The following ADAMTS17 variants were observed in gnomAD, a reference collection of about 807,000 sequenced individuals.
ADAMTS17 encodes the protein A disintegrin and metalloproteinase with thrombospondin motifs 17.
In ADAMTS17, 113 loss-of-function variants were observed where a neutral mutation model predicts 141.5. The ratio of observed to expected loss-of-function variants is 0.80; its 90% CI spans 0.69 to 0.93. The LOEUF (loss-of-function observed/expected upper bound fraction) is 0.93, where lower values mean the gene tolerates loss of function less well. ADAMTS17 is among the 40% of genes least tolerant of loss of function. The probability of loss-of-function intolerance (pLI) is 0.00; values close to 1 mark genes in which losing one functional copy is unlikely to be tolerated. For missense variants in ADAMTS17, 1,659 were observed against 1,517.9 expected (o/e 1.09, Z -1.54); for synonymous variants, 768 against 630.6 (o/e 1.22, Z -3.27).
intron 3 of ADAMTS17, 145 bp from the exon 4 acceptor site, chr15:100,281,546 G>A (rs946097610): frequency 1.5e-5 from 16 of 1,081,982 alleles, no homozygotes; most frequent in African/African-American, 7.9e-5. Context: ...AATCTCCACC[G>A]TCATGTGGGT....
intron 15 of ADAMTS17, among the ~76,000 whole-genome samples, chr15:100,089,816 A>C (rs1474904580): frequency 4.8e-5 from 6 of 125,154 alleles, no homozygotes; most frequent in African/African-American, 1.8e-4. Flanking sequence ...GGAACATCAC[A>C]CACTGGGGAC....
Position 100,296,595 on chromosome 15 carries a change from G to GTGTGTGTGTGTA in ADAMTS17, c.617-15195_617-15194insTACACACACACA, listed in dbSNP as rs1315811758. ...GGTGAGGGGGGGTGTGTGTGTGTGT[G>GTGTGTGTGTGTA]TGTGTGTGTATGTGTGTGTGTGCGC... On this transcript the variant is annotated intron_variant, in intron 3 of 21. Transcript: ENST00000268070. Among the ~76,000 whole-genome samples, 13 of 152,172 alleles carry GTGTGTGTGTGTA rather than the reference G, an allele frequency of 8.5e-5. No individual in the cohort carries two copies. In the East Asian group the frequency reaches 1.4e-3, roughly 16 times the overall value.
At chr15:100,015,390 T>G (rs370743159) in intron 18 of ADAMTS17, among the ~76,000 whole-genome samples, 3 of 152,092 alleles carry the variant, frequency 2.0e-5, no homozygotes, top group Admixed American at 2.0e-4. Flanking sequence ...TCATGCTATT[T>G]GTTGCCTGTG....
intron 4 of ADAMTS17, among the ~76,000 whole-genome samples, chr15:100,275,237 G>A (rs1174050339): frequency 6.6e-6 from 1 of 152,166 alleles, no homozygotes; most frequent in South Asian, 2.1e-4. Flanking sequence ...AGTCAGTGTT[G>A]ATGGCAAAAA....
chr15:100,049,074 G>A (rs937840254), intron 17 of ADAMTS17, 82 bp from the exon 18 acceptor site: 3 of 1,602,644 alleles, frequency 1.9e-6, no homozygotes, highest in South Asian at 1.1e-5. Context: ...ATGAAAGCAT[G>A]TTTGGGTGCT....
chr15:99,991,216 G>C (rs28654858), intron 20 of ADAMTS17, among the ~76,000 whole-genome samples: 6,592 of 152,116 alleles, frequency 0.043, 469 homozygotes, highest in African/African-American at 0.15. Context: ...AAAGAAACTA[G>C]CATCAGAGTG....
chr15:100,125,017 G>A (rs1003631737), intron 12 of ADAMTS17, among the ~76,000 whole-genome samples: 3 of 152,312 alleles, frequency 2.0e-5, no homozygotes, highest in African/African-American at 7.2e-5. Flanking sequence ...TTATTTTCAG[G>A]TTTGCTGTAT....
intron 3 of ADAMTS17, among the ~76,000 whole-genome samples, chr15:100,296,894 G>A (rs775489413): frequency 9.2e-5 from 14 of 152,210 alleles, no homozygotes; most frequent in Non-Finnish European, 2.1e-4. Flanking sequence ...ATGTGTGCTA[G>A]GTACTGCCAC....
chr15:100,051,584 G>A lies in ADAMTS17; in HGVS notation c.2443C>T (p.Gln815Ter). 1 of 1,613,740 alleles carries A rather than the reference G, an allele frequency of 6.2e-7. No individual in the cohort carries two copies. The highest frequency in any genetic ancestry group is 8.5e-7 in the Non-Finnish European group (1 of 1,179,942). ...CACGGCCACTCACCTCCGCCGCACT[G>A]CACACTGCACCCTTCCCAGCCGCTG... ...THSGWEGCSV[Q>*]CGGGERRTIV... The change falls in exon 17 of 22, where the codon CAG (glutamine) becomes TAG (stop). Residue 815 changes from glutamine (Q) to a stop codon, truncating the protein, a stop_gained. Coordinates refer to ENST00000268070, the MANE Select transcript of ADAMTS17 (RefSeq NM_139057.4). LOFTEE classifies it high-confidence loss of function.
chr15:99,995,320 C>A (rs532443858), intron 19 of ADAMTS17, among the ~76,000 whole-genome samples: 1 of 152,340 alleles, frequency 6.6e-6, no homozygotes, highest in East Asian at 1.9e-4. Context: ...TCTTGCCTGG[C>A]CTCTATTTTG....
At chr15:100,101,438 T>C (rs1450609961) in intron 14 of ADAMTS17, among the ~76,000 whole-genome samples, 1 of 152,238 alleles carries the variant, frequency 6.6e-6, no homozygotes, top group Admixed American at 6.5e-5. Context: ...AAATACCTGA[T>C]GCAGGAATAA....
At chr15:100,038,315 T>C (rs1479486321) in intron 18 of ADAMTS17, among the ~76,000 whole-genome samples, 1 of 152,244 alleles carries the variant, frequency 6.6e-6, no homozygotes, top group Non-Finnish European at 1.5e-5. Flanking sequence ...ACTCCAACTT[T>C]GTTATTCTTT....
At chr15:100,086,564 CA>C (rs1180292006) in intron 15 of ADAMTS17, among the ~76,000 whole-genome samples, 5 of 152,184 alleles carry the variant, frequency 3.3e-5, no homozygotes, top group African/African-American at 1.2e-4. Flanking sequence ...CACCACACCA[CA>C]CTTATTCCAA....
intron 7 of ADAMTS17, among the ~76,000 whole-genome samples, chr15:100,229,687 T>C (rs2042417009): frequency 6.6e-6 from 1 of 152,212 alleles, no homozygotes; most frequent in African/African-American, 2.4e-5. Context: ...CCGTTGAAGA[T>C]GCTGACACGC....
chr15:100,283,181 TCTC>T (rs1471666873), intron 3 of ADAMTS17, among the ~76,000 whole-genome samples: 3 of 152,206 alleles, frequency 2.0e-5, no homozygotes. Flanking sequence ...AATGAAGTCT[TCTC>T]AGCCCTGCAG....
chr15:100,236,539 A>G (rs2042660280), intron 7 of ADAMTS17, among the ~76,000 whole-genome samples: 1 of 151,942 alleles, frequency 6.6e-6, no homozygotes. Context: ...TCTTTACAAA[A>G]AACAAACAAA....
At position 99,997,697 on chromosome 15, in the gene ADAMTS17, G is replaced by GAGGCAGACTCAGGAAGCTT. The variant is rs2060833519; in HGVS notation, c.2592-127_2592-109dup. ...TTGCTGCCCTGTGGTGGGAGAGAGGGAGGCAGACTCAGGAAGCTTTTCAGC... is the reference window on the plus strand; with the variant it reads ...TTGCTGCCCTGTGGTGGGAGAGAGGGAGGCAGACTCAGGAAGCTTAGGCAGACTCAGGAAGCTTTTCAGC... On this transcript the variant is annotated intron_variant, in intron 18 of 21. Transcript: ENST00000268070. This position sits in a 1 kb window ranked among gnomAD's most constrained non-coding sequence, Gnocchi z 4.7. 7.1e-7 allele frequency: 1 copy of GAGGCAGACTCAGGAAGCTT among 1,404,272 alleles called. No individual in the cohort carries two copies. The highest frequency in any genetic ancestry group is 1.4e-5 in the African/African-American group (1 of 70,706). 87.0% of individuals were successfully genotyped at this position (1,404,272 alleles called of 1,614,324 possible).
intron 3 of ADAMTS17, among the ~76,000 whole-genome samples, chr15:100,320,316 A>C (rs942968908): frequency 6.6e-6 from 1 of 152,218 alleles, no homozygotes; most frequent in African/African-American, 2.4e-5. Context: ...TGGGAAAATC[A>C]CGACAAGTCC....
chr15:100,211,210 C>T (rs192928016), intron 7 of ADAMTS17, among the ~76,000 whole-genome samples: 11 of 148,272 alleles, frequency 7.4e-5, no homozygotes, highest in East Asian at 2.0e-4. Flanking sequence ...GCTGAAGAAA[C>T]GGTTGCACCT....
Sources: gnomAD v4.1 joint callset for allele counts (sites outside exome capture counted in the v4.1 genomes callset) on GRCh38, gnomAD v4.1.1 for gene constraint, Gnocchi (gnomAD v3.1) non-coding constraint, MANE v1.5 for transcripts, NCBI Gene and HGNC (gene_info 2026-07-23, HGNC 2026-07-21) for gene names.